FIRRM: variants seen among roughly 807,000 people sequenced by gnomAD.
FIRRM encodes the protein FIGNL1-interacting regulator of recombination and mitosis.
chr1:169,811,578 C>A, the FIRRM span, among the ~76,000 whole-genome samples: 3 of 152,072 alleles, frequency 2.0e-5, no homozygotes, highest in Middle Eastern at 3.4e-3. Flanking sequence ...TGCATTGAGC[C>A]CAGGAGATTG....
chr1:169,841,020 C>T, the FIRRM span, among the ~76,000 whole-genome samples: 1 of 152,106 alleles, frequency 6.6e-6, no homozygotes, highest in Middle Eastern at 3.2e-3. Flanking sequence ...GCATCCTTGT[C>T]TTGTTCCATT....
chr1:169,826,189 C>G, the FIRRM span: 2,446 of 181,644 alleles, frequency 0.013, 66 homozygotes, highest in African/African-American at 0.054. Flanking sequence ...TCTCCTGACT[C>G]CGCCTCCCAA....
At chr1:169,815,579 G>C in the FIRRM span, among the ~76,000 whole-genome samples, 1 of 152,156 alleles carries the variant, frequency 6.6e-6, no homozygotes, top group African/African-American at 2.4e-5. Context: ...TTAGTGTATA[G>C]TGAGCAGTGA....
the FIRRM span, among the ~76,000 whole-genome samples, chr1:169,840,620 C>G: frequency 1.3e-5 from 2 of 151,558 alleles, no homozygotes; most frequent in African/African-American, 4.8e-5. Flanking sequence ...CTGCCATTCT[C>G]CTGCCTCAGC....
chr1:169,836,985 A>G, the FIRRM span: 14 of 1,613,756 alleles, frequency 8.7e-6, no homozygotes, highest in South Asian at 1.1e-4. Context: ...CTGTGGCAAC[A>G]TATTTCCTTC....
At chr1:169,838,117 T>A in the FIRRM span, among the ~76,000 whole-genome samples, 1,678 of 152,196 alleles carry the variant, frequency 0.011, 31 homozygotes, top group African/African-American at 0.038. Flanking sequence ...TTTTGTATTT[T>A]TAGTAGAGAC....
chr1:169,818,412 A>G, the FIRRM span, among the ~76,000 whole-genome samples: 1 of 152,222 alleles, frequency 6.6e-6, no homozygotes, highest in African/African-American at 2.4e-5. Flanking sequence ...TAAAGCATTT[A>G]GCAAACCTAA....
At chr1:169,811,780 GATA>G in the FIRRM span, among the ~76,000 whole-genome samples, 10 of 149,570 alleles carry the variant, frequency 6.7e-5, 1 homozygote, top group Admixed American at 3.3e-4. Flanking sequence ...TATCTAAATA[GATA>G]ATAGACAGAT....
chr1:169,815,940 G>A, the FIRRM span, among the ~76,000 whole-genome samples: 1 of 152,184 alleles, frequency 6.6e-6, no homozygotes, highest in African/African-American at 2.4e-5. Flanking sequence ...CCTAACTATT[G>A]GGGTCTCTTA....
At chr1:169,806,986 C>T in the FIRRM span, among the ~76,000 whole-genome samples, 1 of 152,178 alleles carries the variant, frequency 6.6e-6, no homozygotes, top group African/African-American at 2.4e-5. Context: ...GATTATCTTC[C>T]ACTCTTACCC....
the FIRRM span, chr1:169,807,908 G>C: frequency 6.2e-7 from 1 of 1,606,408 alleles, no homozygotes; most frequent in Admixed American, 1.7e-5. Context: ...TAGCTGAGCA[G>C]ATGACACAGT....
At chr1:169,818,440 T>C in the FIRRM span, among the ~76,000 whole-genome samples, 1 of 152,228 alleles carries the variant, frequency 6.6e-6, no homozygotes, top group Non-Finnish European at 1.5e-5. Flanking sequence ...CCTGCCTAAT[T>C]TAAACCACGT....
chr1:169,819,984 A>G, the FIRRM span, among the ~76,000 whole-genome samples: 10 of 152,200 alleles, frequency 6.6e-5, no homozygotes, highest in East Asian at 1.9e-4. Context: ...AGAGCAGCCA[A>G]TTTTGAGCTT....
the FIRRM span, chr1:169,823,521 C>T: frequency 8.5e-7 from 1 of 1,170,926 alleles, no homozygotes; most frequent in Non-Finnish European, 1.2e-6. Context: ...GCCATCTGTG[C>T]CATGCAGTGC....
the FIRRM span, chr1:169,795,156 T>G: frequency 6.5e-7 from 1 of 1,536,066 alleles, no homozygotes; most frequent in South Asian, 1.2e-5. Context: ...AAGAATTAAG[T>G]AGCTGGCCAG....
chr1:169,823,584 G>A, the FIRRM span: 3 of 599,482 alleles, frequency 5.0e-6, no homozygotes, highest in Non-Finnish European at 8.5e-6. Flanking sequence ...TAATGTTTTA[G>A]TAATTTTTAT....
chr1:169,805,006 T>C, the FIRRM span, among the ~76,000 whole-genome samples: 1 of 152,326 alleles, frequency 6.6e-6, no homozygotes, highest in Non-Finnish European at 1.5e-5. Context: ...TTTTAAAGAA[T>C]TGCTGGTCGT....
chr1:169,846,167 TC>T, the FIRRM span, among the ~76,000 whole-genome samples: 1 of 152,146 alleles, frequency 6.6e-6, no homozygotes, highest in African/African-American at 2.4e-5. Context: ...TTGAAAGAAA[TC>T]TTTTTTTCTG....
At chr1:169,853,658 G>T in the FIRRM span, 3 of 1,585,774 alleles carry the variant, frequency 1.9e-6, no homozygotes, top group Non-Finnish European at 2.6e-6. Context: ...TTGAGGTATT[G>T]ATTTTTTTTA....
Sources: gnomAD v4.1 joint callset for allele counts (sites outside exome capture counted in the v4.1 genomes callset) on GRCh38, gnomAD v4.1.1 for gene constraint, MANE v1.5 for transcripts, NCBI Gene and HGNC (gene_info 2026-07-23, HGNC 2026-07-21) for gene names.